DAB1: variants seen among roughly 807,000 people sequenced by gnomAD.
DAB1 encodes disabled homolog 1.
In DAB1, 15 loss-of-function variants were observed where a neutral mutation model predicts 64.6. That is an observed-to-expected ratio of 0.23 (90% CI 0.16 to 0.36). DAB1 has a LOEUF of 0.36. DAB1 is among the 10% of genes least tolerant of loss of function. DAB1 has a pLI of 1.00. For synonymous variants in DAB1, 235 were observed against 251.9 expected (o/e 0.93, Z 0.64); for missense variants, 596 against 706.7 (o/e 0.84, Z 1.78).
At chr1:57,990,244 T>TA (rs1463642957) in intron 5 of DAB1, among the ~76,000 whole-genome samples, 1 of 152,162 alleles carries the variant, frequency 6.6e-6, no homozygotes, top group Non-Finnish European at 1.5e-5. Flanking sequence ...ATTAAACACT[T>TA]ACTACTGCAT....
chr1:58,249,272 G>A (rs1357733470), intron 4 of DAB1, among the ~76,000 whole-genome samples: 1 of 151,704 alleles, frequency 6.6e-6, no homozygotes, highest in African/African-American at 2.4e-5. Context: ...TAAATTCCCA[G>A]AAATTCCCTG....
intron 7 of DAB1, among the ~76,000 whole-genome samples, chr1:57,567,733 C>T (rs1050593542): frequency 2.0e-5 from 3 of 152,132 alleles, no homozygotes; most frequent in Admixed American, 6.5e-5. Context: ...TGTGAAGGAC[C>T]TCTTCAAGGA....
intron 2 of DAB1, among the ~76,000 whole-genome samples, chr1:57,180,278 C>T (rs753442837): frequency 4.6e-5 from 7 of 152,202 alleles, no homozygotes; most frequent in Non-Finnish European, 1.0e-4. Flanking sequence ...TTGCTTTTCT[C>T]CAATAGTTTT....
At chr1:57,636,013 C>T (rs1314366904) in intron 7 of DAB1, among the ~76,000 whole-genome samples, 3 of 144,516 alleles carry the variant, frequency 2.1e-5, no homozygotes, top group Admixed American at 7.4e-5. Flanking sequence ...AGGAGAATGG[C>T]GTGAACCTGG....
At chr1:58,238,013 C>A (rs777049118) in intron 4 of DAB1, among the ~76,000 whole-genome samples, 1 of 152,170 alleles carries the variant, frequency 6.6e-6, no homozygotes, top group Non-Finnish European at 1.5e-5. Context: ...TACAACCATG[C>A]GGTGGCAAAG....
chr1:57,779,662 A>G (rs1649973957), intron 6 of DAB1, among the ~76,000 whole-genome samples: 1 of 152,204 alleles, frequency 6.6e-6, no homozygotes. Context: ...AAGCAGAAAT[A>G]GAGAGGATAT....
intron 1 of DAB1, among the ~76,000 whole-genome samples, chr1:57,394,815 C>T (rs1321842952): frequency 6.6e-6 from 1 of 152,144 alleles, no homozygotes; most frequent in African/African-American, 2.4e-5. Flanking sequence ...TGCAGAGCTG[C>T]CCAAACTTAT....
At chr1:57,390,415 T>C (rs928478532) in intron 1 of DAB1, among the ~76,000 whole-genome samples, 2 of 152,168 alleles carry the variant, frequency 1.3e-5, no homozygotes, top group African/African-American at 4.8e-5. Flanking sequence ...GCAAAAGGTG[T>C]CATTTCAATT....
At chr1:57,881,548 T>C (rs915134376) in intron 1 of DAB1, among the ~76,000 whole-genome samples, 1 of 152,226 alleles carries the variant, frequency 6.6e-6, no homozygotes, top group Non-Finnish European at 1.5e-5. Flanking sequence ...AAATCAGATA[T>C]GACAGTACCT....
chr1:57,447,110 A>T (rs1041783988), intron 7 of DAB1, among the ~76,000 whole-genome samples: 3 of 152,242 alleles, frequency 2.0e-5, no homozygotes, highest in Non-Finnish European at 4.4e-5. Context: ...TAACTCACAG[A>T]ATAATGGAAG....
At chr1:57,844,330 A>G (rs1653182966) in intron 1 of DAB1, among the ~76,000 whole-genome samples, 2 of 152,242 alleles carry the variant, frequency 1.3e-5, no homozygotes, top group South Asian at 4.1e-4. Flanking sequence ...AGAATAAAGT[A>G]TGATGTATAG....
At chr1:58,499,739 ACAT>A (rs1302321545) in intron 3 of DAB1, among the ~76,000 whole-genome samples, 2 of 152,132 alleles carry the variant, frequency 1.3e-5, no homozygotes, top group African/African-American at 4.8e-5. Context: ...AGATATTGAA[ACAT>A]CATGCTGGAC....
In DAB1 at chr1:58,393,120, CTTTT is replaced by C. The variant is rs34546253; in HGVS notation, n.258-49721_258-49718del. On this transcript the variant is annotated intron_variant and non_coding_transcript_variant, in intron 3 of 20. Transcript: ENST00000485760. ...CATACCATGCTATTTACTTCCAAAT[CTTTT>C]TTTTTTTTTTTTTTTTTTTATAGAT... Among the ~76,000 whole-genome samples, 460 of 117,148 alleles carry C rather than the reference CTTTT, an allele frequency of 3.9e-3. 1 individual carries two copies. Among genetic ancestry groups the C allele is most frequent in the Middle Eastern group, 9.3e-3 (2 of 214 alleles). The allele number at this position is 117,148 out of a possible 152,430, so 76.9% of individuals were successfully genotyped here.
At chr1:57,408,909 CAGTT>C (rs1186739986) in intron 1 of DAB1, among the ~76,000 whole-genome samples, 2 of 152,102 alleles carry the variant, frequency 1.3e-5, no homozygotes, top group East Asian at 3.9e-4. Context: ...AGCTGATTTC[CAGTT>C]AGATTCACTC....
chr1:57,758,930 A>C (rs1236496902), intron 6 of DAB1, among the ~76,000 whole-genome samples: 1 of 152,148 alleles, frequency 6.6e-6, no homozygotes, highest in Non-Finnish European at 1.5e-5. Context: ...TTTTCTGTGA[A>C]ATGCTTTCCA....
intron 7 of DAB1, among the ~76,000 whole-genome samples, chr1:57,632,646 A>C (rs1212177675): frequency 6.6e-6 from 1 of 152,198 alleles, no homozygotes; most frequent in Non-Finnish European, 1.5e-5. Flanking sequence ...AGTTGTGAGG[A>C]GAAGGGAAAC....
Position 57,015,169 on chromosome 1 carries a change from G to T in DAB1, c.1158C>A (p.Pro386=). ...PAAMFQGPLT[P]LATVPGTSDS... Reference sequence around the variant, plus strand: ...CACTCGTGCCTGGGACGGTGGCAAGGGGGGTGAGGGGACCTTGGAACATGG... The same window carrying T: ...CACTCGTGCCTGGGACGGTGGCAAGTGGGGTGAGGGGACCTTGGAACATGG... The change falls in exon 12 of 15, where the codon CCC becomes CCA. Residue 386 remains proline, a synonymous_variant. Coordinates refer to ENST00000371236, the MANE Select transcript of DAB1 (RefSeq NM_001365792.1). 6.2e-7 allele frequency: 1 copy of T among 1,614,096 alleles called. No individual in the cohort carries two copies. The highest frequency in any genetic ancestry group is 1.1e-5 in the South Asian group (1 of 91,074).
At chr1:57,742,040 T>A (rs1388309449) in intron 6 of DAB1, among the ~76,000 whole-genome samples, 1 of 152,140 alleles carries the variant, frequency 6.6e-6, no homozygotes, top group Non-Finnish European at 1.5e-5. Flanking sequence ...AGGTTGAAAG[T>A]GGGAAATAAA....
intron 3 of DAB1, among the ~76,000 whole-genome samples, chr1:58,407,730 C>A (rs569837149): frequency 6.6e-6 from 1 of 152,284 alleles, no homozygotes; most frequent in East Asian, 1.9e-4. Context: ...TCATTTGTTA[C>A]CCTGCAATAT....
Sources: allele counts gnomAD v4.1 joint callset (sites outside exome capture counted in the v4.1 genomes callset), GRCh38; gene constraint gnomAD v4.1.1; transcripts MANE v1.5; gene names NCBI Gene and HGNC (gene_info 2026-07-23, HGNC 2026-07-21).